Variants in PPP3CA observed in about 807,000 individuals in gnomAD.
The protein encoded by PPP3CA is protein phosphatase 3 catalytic subunit alpha, also known as CAM-PRP catalytic subunit.
Under a neutral mutation model 66.5 loss-of-function variants are expected in PPP3CA, and 14 were observed. The ratio of observed to expected loss-of-function variants is 0.21; its 90% CI spans 0.14 to 0.33. PPP3CA has a LOEUF of 0.33. Among genes scored for constraint, PPP3CA ranks in the 10% least tolerant of loss-of-function variants. The probability of loss-of-function intolerance (pLI) is 1.00; values close to 1 mark genes in which losing one functional copy is unlikely to be tolerated. For missense variants in PPP3CA, 317 were observed against 639.5 expected (o/e 0.50, Z 5.44); for synonymous variants, 232 against 226.2 (o/e 1.03, Z -0.23).
At chr4:101,146,917 A>G (rs1722988866) in intron 2 of PPP3CA, among the ~76,000 whole-genome samples, 1 of 152,206 alleles carries the variant, frequency 6.6e-6, no homozygotes, top group African/African-American at 2.4e-5. Context: ...TTTGAGCATC[A>G]TGTCAGTGCT....
intron 2 of PPP3CA, among the ~76,000 whole-genome samples, chr4:101,162,566 A>AATAAATAC (rs1723552787): frequency 1.3e-5 from 1 of 77,854 alleles, no homozygotes; most frequent in Admixed American, 1.1e-4. Flanking sequence ...TAAATAAATA[A>AATAAATAC]ATAAAGGGAA....
intron 3 of PPP3CA, among the ~76,000 whole-genome samples, chr4:101,104,611 T>C (rs1005134864): frequency 1.3e-5 from 2 of 152,176 alleles, no homozygotes; most frequent in African/African-American, 2.4e-5. Flanking sequence ...GGAACGTATT[T>C]ACATGTTCCT....
rs199920410 is a variant in PPP3CA, at chr4:101,346,805, G to A, written c.-9C>T. The A allele has an allele frequency of 1.1e-4, 179 of 1,609,944 alleles. No individual in the cohort carries two copies. Among genetic ancestry groups the A allele is most frequent in the Middle Eastern group, 3.3e-4 (2 of 6,058 alleles). ...GCCTTGGGCTCGGACATCTCCAGCT[G>A]CCGGAGGACAGCGACGCGCTGCTCG... On this transcript the variant is annotated 5_prime_UTR_variant, in exon 1 of 14. Coordinates refer to ENST00000394854, the MANE Select transcript of PPP3CA (RefSeq NM_000944.5).
At chr4:101,346,621 G>A (rs1437919247) in intron 1 of PPP3CA, 118 bp downstream of exon 1, 11 of 880,372 alleles carry the variant, frequency 1.2e-5, no homozygotes, top group Non-Finnish European at 2.0e-5. Context: ...GAAGGTCCGC[G>A]GCTGGAGCGG....
intron 1 of PPP3CA, among the ~76,000 whole-genome samples, chr4:101,278,216 T>C (rs1242895301): frequency 6.6e-6 from 1 of 151,912 alleles, no homozygotes; most frequent in African/African-American, 2.4e-5. Context: ...TGCAATTATT[T>C]TGCCATATTC....
intron 2 of PPP3CA, among the ~76,000 whole-genome samples, chr4:101,147,814 T>C (rs1203965158): frequency 6.6e-6 from 1 of 152,116 alleles, no homozygotes; most frequent in Admixed American, 6.6e-5. Flanking sequence ...TACTGTAAAA[T>C]AGCTAATATT....
In PPP3CA at chr4:101,070,766, A is replaced by C. The variant is rs138165227; in HGVS notation, c.956-7409T>G. Among the ~76,000 whole-genome samples the C allele has an allele frequency of 1.3e-3, 199 of 152,204 alleles. 1 individual carries two copies. Among genetic ancestry groups the C allele is most frequent in the African/African-American group, 4.6e-3 (193 of 41,540 alleles). ...TTTGCCATTTTATAATTCCCACCTA[A>C]TGTGTTATACCTACATACTAGGATC... is the stretch of plus-strand genomic sequence containing the variant. On this transcript the variant is annotated intron_variant, in intron 8 of 13. Coordinates refer to ENST00000394854, the MANE Select transcript of PPP3CA (RefSeq NM_000944.5).
At chr4:101,317,546 T>A (rs936552622) in intron 1 of PPP3CA, among the ~76,000 whole-genome samples, 1 of 152,184 alleles carries the variant, frequency 6.6e-6, no homozygotes, top group East Asian at 1.9e-4. Flanking sequence ...CCAAAGATCA[T>A]GATTAAGAGG....
intron 8 of PPP3CA, among the ~76,000 whole-genome samples, chr4:101,075,545 C>G (rs953502865): frequency 1.1e-4 from 16 of 152,190 alleles, no homozygotes; most frequent in Admixed American, 3.3e-4. Flanking sequence ...CACATGGAAA[C>G]CTACTGTCGT....
intron 1 of PPP3CA, among the ~76,000 whole-genome samples, chr4:101,321,542 AT>A (rs1184366069): frequency 6.6e-6 from 1 of 152,140 alleles, no homozygotes; most frequent in Non-Finnish European, 1.5e-5. Flanking sequence ...TGACAATAAA[AT>A]TTTTGTTTTT....
chr4:101,102,249 A>AAAGGAAGG (rs534565374), intron 3 of PPP3CA, among the ~76,000 whole-genome samples: 3 of 150,736 alleles, frequency 2.0e-5, no homozygotes, highest in South Asian at 2.1e-4. Context: ...GGAGGCAGAG[A>AAAGGAAGG]AAGGAAGGAA....
At chr4:101,159,776 T>C (rs1162121639) in intron 2 of PPP3CA, among the ~76,000 whole-genome samples, 2 of 152,114 alleles carry the variant, frequency 1.3e-5, no homozygotes, top group African/African-American at 4.8e-5. Context: ...AAATAAATCT[T>C]TCAAAAATAT....
At chr4:101,083,152 T>C (rs761130823) in intron 7 of PPP3CA, 34 bp downstream of exon 7, 3 of 1,394,892 alleles carry the variant, frequency 2.2e-6, no homozygotes, top group Non-Finnish European at 2.8e-6. Flanking sequence ...AAATGGACAA[T>C]GCATGGTTTT....
intron 11 of PPP3CA, among the ~76,000 whole-genome samples, chr4:101,034,243 T>G (rs1336776695): frequency 6.6e-6 from 1 of 152,162 alleles, no homozygotes; most frequent in Admixed American, 6.5e-5. Flanking sequence ...TGCACTTTCT[T>G]TGTCATCCTC....
At chr4:101,334,889 A>AT (rs1729575165) in intron 1 of PPP3CA, among the ~76,000 whole-genome samples, 1 of 152,182 alleles carries the variant, frequency 6.6e-6, no homozygotes, top group Non-Finnish European at 1.5e-5. Context: ...ATGAACCACT[A>AT]TAAAAAAAAA....
chr4:101,253,333 GT>G (rs1726737919), intron 1 of PPP3CA, among the ~76,000 whole-genome samples: 1 of 152,072 alleles, frequency 6.6e-6, no homozygotes, highest in African/African-American at 2.4e-5. Flanking sequence ...ACTTGGCACC[GT>G]TCCACCATCT....
chr4:101,213,096 C>A (rs1314888588), intron 1 of PPP3CA, among the ~76,000 whole-genome samples: 1 of 152,090 alleles, frequency 6.6e-6, no homozygotes, highest in Non-Finnish European at 1.5e-5. Context: ...TGAGTTAGTT[C>A]ATGCAAACAT....
intron 1 of PPP3CA, among the ~76,000 whole-genome samples, chr4:101,320,452 ATATGTATG>A (rs535586811): frequency 8.2e-5 from 12 of 147,096 alleles, no homozygotes; most frequent in South Asian, 4.4e-4. Context: ...AAAACCACTC[ATATGTATG>A]TATGTATGTA....
rs540109189 is a variant in PPP3CA, at chr4:101,056,796, G to A, written c.1156+4291C>T. 3.2e-4 allele frequency among the ~76,000 whole-genome samples: 47 copies of A among 146,476 alleles called. No homozygotes were observed. In the South Asian group the frequency reaches 5.9e-3, roughly 18 times the overall value. ...CTGCAGGCAGGAAGGACAGGGTGCC[G>A]CAATTGGAAATTTTATCCTAAGGTT... On this transcript the variant is annotated intron_variant, in intron 10 of 13. Coordinates refer to ENST00000394854, the MANE Select transcript of PPP3CA (RefSeq NM_000944.5).
Sources: allele counts gnomAD v4.1 joint callset (sites outside exome capture counted in the v4.1 genomes callset), GRCh38; gene constraint gnomAD v4.1.1; transcripts MANE v1.5; gene names NCBI Gene and HGNC (gene_info 2026-07-23, HGNC 2026-07-21).